Variants in DCC observed in about 807,000 individuals in gnomAD.
The protein encoded by DCC is DCC netrin 1 receptor, also known as netrin receptor DCC.
DCC carries 58 observed loss-of-function variants against 172.5 expected under a neutral mutation model. The observed-to-expected ratio is 0.34, with a 90% CI of 0.27 to 0.42. The LOEUF (loss-of-function observed/expected upper bound fraction) is 0.42. Among genes scored for constraint, DCC ranks in the 10% least tolerant of loss-of-function variants. The pLI is 1.00. For missense variants in DCC, 1,740 were observed against 1,791.0 expected, an observed-to-expected ratio of 0.97 and a Z score of 0.51; for synonymous variants, 709 against 644.5, an observed-to-expected ratio of 1.10 and a Z score of -1.52.
chr18:53,351,322 A>ATATAG (rs2057795149), intron 15 of DCC, among the ~76,000 whole-genome samples: 5 of 42,142 alleles, frequency 1.2e-4, no homozygotes, highest in Non-Finnish European at 2.9e-4. Flanking sequence ...TATACACTGT[A>ATATAG]TATATATATA....
At chr18:53,357,119 T>C (rs1001190759) in intron 15 of DCC, among the ~76,000 whole-genome samples, 9 of 152,184 alleles carry the variant, frequency 5.9e-5, no homozygotes, top group Non-Finnish European at 1.2e-4. Context: ...TAATAAGTGA[T>C]TAAACAATCA....
Position 52,783,323 on chromosome 18 carries a change from CTTTTTTTTTTTTTTTTTTT to C in DCC, c.412+30969_412+30987del, listed in dbSNP as rs374129823. Among the ~76,000 whole-genome samples the C allele has an allele frequency of 1.6e-3, 96 of 59,262 alleles. 1 individual carries two copies. Among genetic ancestry groups the C allele is most frequent in the Admixed American group, 4.8e-3 (20 of 4,182 alleles). The allele number at this position is 59,262 out of a possible 152,430, so 38.9% of individuals were successfully genotyped here. ...ACTAAAAATAATTTATACTACTACT[CTTTTTTTTTTTTTTTTTTT>C]TTTTTTTTTTTTTTTTTTTACAACA... On this transcript the variant is annotated intron_variant, in intron 2 of 28. Coordinates refer to ENST00000442544, the MANE Select transcript of DCC (RefSeq NM_005215.4).
chr18:53,379,403 T>C (rs1907551372), intron 15 of DCC, among the ~76,000 whole-genome samples: 1 of 152,208 alleles, frequency 6.6e-6, no homozygotes, highest in Non-Finnish European at 1.5e-5. Flanking sequence ...TCACACAAAA[T>C]ATTAATTAAA....
At chr18:52,676,027 A>G (rs1458744140) in intron 1 of DCC, among the ~76,000 whole-genome samples, 3 of 152,168 alleles carry the variant, frequency 2.0e-5, no homozygotes, top group Non-Finnish European at 4.4e-5. Flanking sequence ...TGATTATTCA[A>G]CTCTAGAAAG....
intron 7 of DCC, among the ~76,000 whole-genome samples, chr18:53,075,446 G>T (rs969601856): frequency 2.6e-5 from 4 of 151,846 alleles, no homozygotes; most frequent in African/African-American, 9.7e-5. Context: ...ACTGAGACCA[G>T]TGATAATAAT....
At chr18:52,426,494 A>T (rs1987431816) in intron 1 of DCC, among the ~76,000 whole-genome samples, 1 of 152,136 alleles carries the variant, frequency 6.6e-6, no homozygotes, top group Non-Finnish European at 1.5e-5. Context: ...ACTGAAAAAG[A>T]GTCTATGTTT....
chr18:53,074,480 G>A (rs2042698874), intron 7 of DCC, among the ~76,000 whole-genome samples: 1 of 152,118 alleles, frequency 6.6e-6, no homozygotes, highest in Non-Finnish European at 1.5e-5. Flanking sequence ...GTAATTAATT[G>A]TAGCTAAGAA....
chr18:52,668,058 C>CAAA (rs55673601), intron 1 of DCC, among the ~76,000 whole-genome samples: 23 of 150,404 alleles, frequency 1.5e-4, no homozygotes, highest in South Asian at 8.4e-4. Flanking sequence ...AAAACAACAA[C>CAAA]AAAAAAAAAC....
intron 1 of DCC, among the ~76,000 whole-genome samples, chr18:52,728,114 T>C (rs965608779): frequency 6.6e-6 from 1 of 152,164 alleles, no homozygotes; most frequent in African/African-American, 2.4e-5. Context: ...CATAAAACAA[T>C]ATAAATTTTG....
At chr18:52,851,712 C>A (rs2038977415) in intron 2 of DCC, among the ~76,000 whole-genome samples, 1 of 152,110 alleles carries the variant, frequency 6.6e-6, no homozygotes, top group African/African-American at 2.4e-5. Flanking sequence ...GCTAAATAGA[C>A]ATGCTAGAAG....
intron 2 of DCC, among the ~76,000 whole-genome samples, chr18:52,833,430 C>A (rs954039509): frequency 1.1e-4 from 16 of 152,052 alleles, no homozygotes; most frequent in African/African-American, 3.9e-4. Flanking sequence ...ATTACAAGAC[C>A]TGTGATAAAT....
rs2038942573 is a variant in DCC at position 52,849,466 on chromosome 18, G to A, written c.413-56578G>A. On this transcript the variant is annotated intron_variant, in intron 2 of 28. Transcript: ENST00000442544. ...AAACTTTACTCATAATCATGGATGG[G>A]AATAGTGCCCCTAGCTGAGCAGCTG... Among the ~76,000 whole-genome samples, 3 of 152,124 alleles carry A rather than the reference G, an allele frequency of 2.0e-5. No homozygotes were observed. The South Asian group carries it at 6.2e-4, about 32-fold the overall frequency.
intron 2 of DCC, among the ~76,000 whole-genome samples, chr18:52,813,568 C>A (rs1260739195): frequency 6.6e-6 from 1 of 150,484 alleles, no homozygotes; most frequent in East Asian, 1.9e-4. Context: ...GAAGAAAAGA[C>A]AATGTGTGAT....
chr18:52,414,931 C>CA (rs1422744616), intron 1 of DCC, among the ~76,000 whole-genome samples: 1 of 152,126 alleles, frequency 6.6e-6, no homozygotes, highest in Non-Finnish European at 1.5e-5. Context: ...TATTACACAC[C>CA]AAGAAATTAG....
At chr18:53,017,662 A>G (rs542977346) in intron 5 of DCC, among the ~76,000 whole-genome samples, 29 of 152,328 alleles carry the variant, frequency 1.9e-4, no homozygotes, top group African/African-American at 6.5e-4. Flanking sequence ...ACTAGGAATT[A>G]TCACTCCTTC....
At chr18:53,185,962 T>C (rs2055275502) in intron 9 of DCC, among the ~76,000 whole-genome samples, 1 of 152,192 alleles carries the variant, frequency 6.6e-6, no homozygotes, top group Non-Finnish European at 1.5e-5. Flanking sequence ...TAAAAATCCA[T>C]TACCTGGAAA....
chr18:52,400,430 A>T (rs965433860), intron 1 of DCC, among the ~76,000 whole-genome samples: 1 of 152,096 alleles, frequency 6.6e-6, no homozygotes, highest in East Asian at 1.9e-4. Flanking sequence ...CGATTATTAA[A>T]AAGTCAGGAA....
At chr18:52,768,451 A>G (rs1295093420) in intron 2 of DCC, among the ~76,000 whole-genome samples, 4 of 152,172 alleles carry the variant, frequency 2.6e-5, no homozygotes, top group Non-Finnish European at 4.4e-5. Context: ...TGAAACTCAC[A>G]AAGAGCTTCT....
At chr18:52,772,081 C>A (rs886570422) in intron 2 of DCC, among the ~76,000 whole-genome samples, 1 of 152,068 alleles carries the variant, frequency 6.6e-6, no homozygotes, top group African/African-American at 2.4e-5. Flanking sequence ...ATGATACATT[C>A]TTTTTACTTA....
Sources: allele counts gnomAD v4.1 joint callset (sites outside exome capture counted in the v4.1 genomes callset), GRCh38; gene constraint gnomAD v4.1.1; transcripts MANE v1.5; gene names NCBI Gene and HGNC (gene_info 2026-07-23, HGNC 2026-07-21).